VSIG10L: variants seen among roughly 807,000 people sequenced by gnomAD.
VSIG10L encodes the protein V-set and immunoglobulin domain containing 10 like.
VSIG10L carries 63 observed loss-of-function variants against 67.3 expected under a neutral mutation model. The observed-to-expected ratio is 0.94, with a 90% CI of 0.76 to 1.15. The LOEUF (loss-of-function observed/expected upper bound fraction) is 1.15. Among genes scored for constraint, VSIG10L ranks in the 50% most tolerant of loss-of-function variants. The probability of loss-of-function intolerance (pLI) is 0.00; values close to 1 mark genes in which losing one functional copy is unlikely to be tolerated. For missense variants in VSIG10L, 1,050 were observed against 1,177.5 expected (o/e 0.89, Z 1.58); for synonymous variants, 499 against 524.9 (o/e 0.95, Z 0.67).
chr19:51,341,858 C>T lies in VSIG10L; in HGVS notation c.190G>A (p.Asp64Asn), dbSNP rs752872224. The T allele has an allele frequency of 5.2e-6, 8 of 1,551,550 alleles. No homozygotes were observed. Among genetic ancestry groups the T allele is most frequent in the Non-Finnish European group, 4.4e-6 (5 of 1,146,994 alleles). The part of the protein sequence containing the change: ...SIKPPSWKVP[D>N]QFLDSKASAG... ...GAGGCTTTTGAATCCAGGAACTGAT[C>T]TGGAACTTTCCAGCTGGGAGGTTTG... Residue 64 changes from aspartate to asparagine, a missense_variant, in exon 2 of 10, where the codon GAT becomes AAT. By Grantham distance (23) the Asp-to-Asn change is conservative (BLOSUM62 1). Around this residue, in one of 3 missense-constraint regions of VSIG10L, gnomAD observed 511 missense variants for 557.9 expected, o/e 0.92. Transcript: ENST00000335624.
chr19:51,340,648 A>C lies in VSIG10L; in HGVS notation c.974T>G (p.Leu325Arg). 1 of 1,532,594 alleles carries C rather than the reference A, an allele frequency of 6.5e-7. No homozygotes were observed. The highest frequency in any genetic ancestry group is 8.7e-7 in the Non-Finnish European group (1 of 1,144,948). The allele number at this position is 1,532,594 out of a possible 1,614,324, so 94.9% of individuals were successfully genotyped here. A position where few individuals can be genotyped will look rare whatever the true frequency, so the allele number is the denominator to read the frequency against. Residue 325 changes from leucine to arginine, a missense_variant, in exon 3 of 10, where the codon CTG (leucine) becomes CGG (arginine). By Grantham distance (102) the Leu-to-Arg change is moderately radical (BLOSUM62 -2). Coordinates refer to ENST00000335624, the MANE Select transcript of VSIG10L (RefSeq NM_001163922.3). This position sits in a 1 kb window ranked among gnomAD's most constrained non-coding sequence, Gnocchi z 6.3. ...CTCCCCGCGACCTGGCCCCCACCCC[A>C]GGCAGCGCAGCCGGAGCTCGGCCGC... Reference protein sequence around the residue: ...EGAAELRLRCLGWGPGRGELS... With the variant: ...EGAAELRLRCRGWGPGRGELS...
rs1985648206 is a variant in VSIG10L, at chr19:51,341,837, C to T, written c.211G>A (p.Ala71Thr). 2 of 1,551,620 alleles carry T rather than the reference C, an allele frequency of 1.3e-6. No individual in the cohort carries two copies. The highest frequency in any genetic ancestry group is 4.9e-5 in the East Asian group (2 of 40,916). The change falls in exon 2 of 10, where the codon GCC (alanine) becomes ACC (threonine). Residue 71 changes from alanine (A) to threonine (T), a missense_variant. Transcript: ENST00000335624. ...CTGGAATCAGAGATTCCAGCAGAGG[C>T]TTTTGAATCCAGGAACTGATCTGGA... is the stretch of plus-strand genomic sequence containing the variant. ...KVPDQFLDSK[A>T]SAGISDSSWF...
chr19:51,337,454 T>A lies in VSIG10L; in HGVS notation c.2089A>T (p.Ile697Phe). The A allele has an allele frequency of 6.4e-7, 1 of 1,551,648 alleles. No individual in the cohort carries two copies. The highest frequency in any genetic ancestry group is 2.4e-5 in the East Asian group (1 of 40,918). Residue 697 changes from isoleucine to phenylalanine, a missense_variant, in exon 7 of 10, where the codon ATC becomes TTC. Coordinates refer to ENST00000335624, the MANE Select transcript of VSIG10L (RefSeq NM_001163922.3). ...LTWDVERGAL[I>F]SSFEIQAWPD... is the part of the protein sequence containing the mutation. ...CATGCCTGGATCTCAAAACTGCTGA[T>A]CAGGGCCCCGCGCTCCACATCCCAA...
intron 7 of VSIG10L, 47 bp from the exon 8 acceptor site, chr19:51,334,351 T>C (rs2123548645): frequency 6.6e-7 from 1 of 1,523,170 alleles, no homozygotes; most frequent in Non-Finnish European, 8.9e-7. Context: ...GGAACCAAGG[T>C]TGGACCCAAG....
Position 51,341,549 on chromosome 19 carries a change from C to T in VSIG10L, c.499G>A (p.Asp167Asn). The T allele has an allele frequency of 6.4e-7, 1 of 1,551,722 alleles. No individual in the cohort carries two copies. Among genetic ancestry groups the T allele is most frequent in the South Asian group, 1.2e-5 (1 of 84,062 alleles). ...EAPDSKFSPD[D>N]MDLKLSAQSP... ...TGGGCAGAGAGTTTAAGATCCATAT[C>T]ATCCGGGGAGAATTTTGAATCTGGG... is the stretch of plus-strand genomic sequence containing the variant. The change falls in exon 2 of 10, where the codon GAT becomes AAT. Residue 167 changes from aspartate to asparagine, a missense_variant. Transcript: ENST00000335624.
In VSIG10L at chr19:51,341,161, C is replaced by G. The variant is rs1370961357; in HGVS notation, c.887G>C (p.Gly296Ala). The change falls in exon 2 of 10, where the codon GGT (glycine) becomes GCT (alanine). Residue 296 changes from glycine (G) to alanine (A), a missense_variant. Physicochemically the swap from Gly to Ala is moderately conservative, Grantham distance 60. Coordinates refer to ENST00000335624, the MANE Select transcript of VSIG10L (RefSeq NM_001163922.3). The part of the protein sequence containing the change: ...VSQQTHEFTV[G>A]VYEPLPQLSV... ...CGCCAGGGCCCACTTACCATACACA[C>G]CCACCGTGAACTCGTGAGTCTGCTG... The G allele has an allele frequency of 7.2e-6, 11 of 1,519,934 alleles. No individual in the cohort carries two copies. The East Asian group carries it at 2.5e-4, about 34-fold the overall frequency. The allele number at this position is 1,519,934 out of a possible 1,614,324, so 94.2% of individuals were successfully genotyped here.
In VSIG10L at chr19:51,337,534, C is replaced by T; in HGVS notation, c.2009G>A (p.Gly670Glu). The part of the protein sequence containing the change: ...GAGGDQITLI[G>E]PSISSWRLQR... Reference sequence around the variant, plus strand: ...AAGCCTCCACGAGGATATGGAGGGTCCTAGAGGGATGTGGGGGTGGCTGGA... The same window carrying T: ...AAGCCTCCACGAGGATATGGAGGGTTCTAGAGGGATGTGGGGGTGGCTGGA... Residue 670 changes from glycine to glutamate, a missense_variant and splice_region_variant, in exon 7 of 10, where the codon GGA (glycine) becomes GAA (glutamate). Coordinates refer to ENST00000335624, the MANE Select transcript of VSIG10L (RefSeq NM_001163922.3). The T allele has an allele frequency of 6.6e-7, 1 of 1,521,074 alleles. No individual in the cohort carries two copies. The highest frequency in any genetic ancestry group is 8.9e-7 in the Non-Finnish European group (1 of 1,125,410). 94.2% of individuals were successfully genotyped at this position (1,521,074 alleles called of 1,614,324 possible). A position where few individuals can be genotyped will look rare whatever the true frequency, so the allele number is the denominator to read the frequency against.
chr19:51,341,551 T>A lies in VSIG10L; in HGVS notation c.497A>T (p.Asp166Val), dbSNP rs187051163. 2.7e-4 allele frequency: 414 copies of A among 1,551,656 alleles called. 2 individuals carry two copies. The African/African-American group carries it at 5.0e-3, about 19-fold the overall frequency. Residue 166 changes from aspartate to valine, a missense_variant, in exon 2 of 10, where the codon GAT (aspartate) becomes GTT (valine). Transcript: ENST00000335624. ...VEAPDSKFSP[D>V]DMDLKLSAQS... ...GGCAGAGAGTTTAAGATCCATATCATCCGGGGAGAATTTTGAATCTGGGGC... is the reference window on the plus strand; with the variant it reads ...GGCAGAGAGTTTAAGATCCATATCAACCGGGGAGAATTTTGAATCTGGGGC...
intron 9 of VSIG10L, 103 bp from the exon 10 acceptor site, chr19:51,332,743 G>A: frequency 8.6e-7 from 1 of 1,159,404 alleles, no homozygotes; most frequent in Non-Finnish European, 1.2e-6. Flanking sequence ...ACTTTTTAGA[G>A]ATTATCTGGG....
chr19:51,338,977 G>T lies in VSIG10L; in HGVS notation c.1640C>A (p.Ala547Asp). The change falls in exon 5 of 10, where the codon GCC (alanine) becomes GAC (aspartate). Residue 547 changes from alanine (A) to aspartate (D), a missense_variant. Physicochemically the swap from Ala to Asp is moderately radical, Grantham distance 126. This residue lies in a region of VSIG10L where 529 missense variants were observed against 584.9 expected (regional missense o/e 0.90). Transcript: ENST00000335624. The part of the protein sequence containing the change: ...AGPVSSVLLA[A>D]VPAHPRLSGV... Reference sequence around the variant, plus strand: ...GCTGAGCCGGGGGTGGGCGGGGACGGCCGCCAGCAGCACAGAGGACACTGG... The same window carrying T: ...GCTGAGCCGGGGGTGGGCGGGGACGTCCGCCAGCAGCACAGAGGACACTGG... The T allele has an allele frequency of 1.4e-6, 2 of 1,429,762 alleles. No homozygotes were observed. Among genetic ancestry groups the T allele is most frequent in the Non-Finnish European group, 1.8e-6 (2 of 1,087,484 alleles). 88.6% of individuals were successfully genotyped at this position (1,429,762 alleles called of 1,614,324 possible). A position where few individuals can be genotyped will look rare whatever the true frequency, so the allele number is the denominator to read the frequency against.
intron 4 of VSIG10L, among the ~76,000 whole-genome samples, chr19:51,339,424 C>T (rs1270303686): frequency 6.6e-6 from 1 of 152,172 alleles, no homozygotes; most frequent in Non-Finnish European, 1.5e-5. Context: ...TCCAGCTCCA[C>T]CCACTTCTGC....
intron 7 of VSIG10L, among the ~76,000 whole-genome samples, chr19:51,336,915 C>T (rs187927039): frequency 1.3e-4 from 20 of 152,032 alleles, no homozygotes; most frequent in African/African-American, 3.1e-4. Flanking sequence ...TACAGGCGCC[C>T]GCCACCGCGC....
At chr19:51,339,748 T>C in intron 4 of VSIG10L, 1 of 341,526 alleles carries the variant, frequency 2.9e-6, no homozygotes, top group Non-Finnish European at 5.2e-6. Context: ...CCGTCAGTCC[T>C]GGTCATCCCT....
At position 51,338,844 on chromosome 19, in the gene VSIG10L, CCCT is replaced by C. The variant is rs1346542757; in HGVS notation, c.1729+41_1729+43del. 2.2e-5 allele frequency: 29 copies of C among 1,346,530 alleles called. No individual in the cohort carries two copies. In the East Asian group the frequency reaches 7.2e-4, roughly 33 times the overall value. 83.4% of individuals were successfully genotyped at this position (1,346,530 alleles called of 1,614,324 possible). A position where few individuals can be genotyped will look rare whatever the true frequency, so the allele number is the denominator to read the frequency against. On this transcript the variant is annotated intron_variant, in intron 5 of 9. Transcript: ENST00000335624. ...TTTCGAAGGACCAAAGAAAAAGTCT[CCCT>C]CCTCCTCGAGAAACAGCAAAAAAGC...
In VSIG10L at chr19:51,331,551, CATTTT is replaced by C. The variant is rs1278582610; in HGVS notation, c.*1055_*1059del. Reference sequence around the variant, plus strand: ...CAGCCGCCTCCATAGTTCTTGCCACCATTTTATTTTGTTACTTGCAGTCAAAAGAA... The same window carrying C: ...CAGCCGCCTCCATAGTTCTTGCCACCATTTTGTTACTTGCAGTCAAAAGAA... On this transcript the variant is annotated 3_prime_UTR_variant, in exon 10 of 10. Coordinates refer to ENST00000335624, the MANE Select transcript of VSIG10L (RefSeq NM_001163922.3). 2 of 152,196 alleles carry C rather than the reference CATTTT, an allele frequency of 1.3e-5. No homozygotes were observed. Among genetic ancestry groups the C allele is most frequent in the African/African-American group, 4.8e-5 (2 of 41,450 alleles). 9.4% of individuals were successfully genotyped at this position (152,196 alleles called of 1,614,324 possible).
chr19:51,341,374 A>C lies in VSIG10L; in HGVS notation c.674T>G (p.Val225Gly). The C allele has an allele frequency of 6.5e-7, 1 of 1,538,456 alleles. No homozygotes were observed. Among genetic ancestry groups the C allele is most frequent in the Admixed American group, 2.0e-5 (1 of 49,960 alleles). The change falls in exon 2 of 10, where the codon GTC becomes GGC. Residue 225 changes from valine to glycine, a missense_variant. Val to Gly is a moderately radical substitution (Grantham distance 109). This residue lies in a region of VSIG10L where 511 missense variants were observed against 557.9 expected (regional missense o/e 0.92). Transcript: ENST00000335624. ...CAGCACCTTTGAGCCCCGGCGCCAG[A>C]CCACCAGAGAGGTGGGGGGCCCAGG... ...PNPGPPTSLVVWRRGSKVLAA... is the reference protein window; with the variant it reads ...PNPGPPTSLVGWRRGSKVLAA...
rs1307701177 is a variant in VSIG10L, at chr19:51,340,146, G to C, written c.1343C>G (p.Ala448Gly). The change falls in exon 4 of 10, where the codon GCC becomes GGC. Residue 448 changes from alanine to glycine, a missense_variant. This residue lies in a region of VSIG10L where 529 missense variants were observed against 584.9 expected (regional missense o/e 0.90). Transcript: ENST00000335624. The surrounding 1 kb of genome is among the most constrained non-coding windows in gnomAD (Gnocchi z 6.3). ...GAGGCGCGACCCCGCGGGCACCGCG[G>C]CCTCGGCCGGGTCCGCCAGGCTCCA... ...ITWSLADPAE[A>G]AVPAGSRLLL... 7.5e-7 allele frequency: 1 copy of C among 1,330,492 alleles called. No individual in the cohort carries two copies. 82.4% of individuals were successfully genotyped at this position (1,330,492 alleles called of 1,614,324 possible).
intron 2 of VSIG10L, 140 bp downstream of exon 2, chr19:51,341,013 C>T: frequency 7.7e-7 from 1 of 1,292,216 alleles, no homozygotes; most frequent in South Asian, 1.8e-5. Context: ...CTGCCTTGAC[C>T]TCTAGCTCTT....
At chr19:51,336,280 G>A (rs1441475372) in intron 7 of VSIG10L, among the ~76,000 whole-genome samples, 1 of 152,078 alleles carries the variant, frequency 6.6e-6, no homozygotes, top group Non-Finnish European at 1.5e-5. Context: ...ACAGAAGCCA[G>A]GTGCGGTGGC....
Sources: allele counts gnomAD v4.1 joint callset (sites outside exome capture counted in the v4.1 genomes callset), GRCh38; gene constraint gnomAD v4.1.1; regional missense constraint gnomAD v4.1.1; non-coding constraint Gnocchi (gnomAD v3.1); transcripts MANE v1.5; gene names NCBI Gene and HGNC (gene_info 2026-07-23, HGNC 2026-07-21).